Variants in PLCE1 observed in about 807,000 individuals in gnomAD.
The protein encoded by PLCE1 is phospholipase C epsilon 1.
A neutral mutation model predicts 242.8 loss-of-function variants in PLCE1; 119 were observed. The ratio of observed to expected loss-of-function variants is 0.49; its 90% CI spans 0.42 to 0.57. PLCE1 has a LOEUF of 0.57. Ranked by LOEUF, PLCE1 falls within the 20% of genes least tolerant of loss-of-function variation. PLCE1 has a pLI of 0.00. For synonymous variants in PLCE1, 945 were observed against 1,017.4 expected (o/e 0.93, Z 1.35); for missense variants, 2,441 against 2,788.8 (o/e 0.88, Z 2.81).
intron 2 of PLCE1, among the ~76,000 whole-genome samples, chr10:94,067,816 C>T (rs1309783287): frequency 6.6e-6 from 1 of 152,168 alleles, no homozygotes; most frequent in Non-Finnish European, 1.5e-5. Context: ...TAGTGCTGGC[C>T]TTTGGATGAG....
chr10:94,193,846 A>G (rs902116092), intron 4 of PLCE1, among the ~76,000 whole-genome samples: 2 of 152,244 alleles, frequency 1.3e-5, no homozygotes, highest in African/African-American at 2.4e-5. Context: ...CTCTACTGTC[A>G]TATAAACACC....
At chr10:94,305,157 G>A (rs1003698277) in intron 25 of PLCE1, among the ~76,000 whole-genome samples, 4 of 152,136 alleles carry the variant, frequency 2.6e-5, no homozygotes, top group Non-Finnish European at 4.4e-5. Context: ...GGCCAGGTGC[G>A]GTGGCTCACG....
At chr10:94,075,612 T>G (rs2044476918) in intron 2 of PLCE1, among the ~76,000 whole-genome samples, 1 of 152,232 alleles carries the variant, frequency 6.6e-6, no homozygotes, top group Non-Finnish European at 1.5e-5. Context: ...GAGCTGAGGC[T>G]ACCTTTGTTT....
At chr10:93,998,886 G>C (rs2060879496) in intron 1 of PLCE1, among the ~76,000 whole-genome samples, 1 of 152,222 alleles carries the variant, frequency 6.6e-6, no homozygotes, top group Non-Finnish European at 1.5e-5. Flanking sequence ...GGTGGGCTCA[G>C]TCTAATCTCG....
At chr10:94,237,723 G>T (rs1210305766) in intron 7 of PLCE1, among the ~76,000 whole-genome samples, 1 of 152,194 alleles carries the variant, frequency 6.6e-6, no homozygotes, top group African/African-American at 2.4e-5. Context: ...AAGTTAGGTT[G>T]GTGGGGCTGT....
intron 2 of PLCE1, among the ~76,000 whole-genome samples, chr10:94,074,694 C>A (rs1267768111): frequency 6.6e-6 from 1 of 152,158 alleles, no homozygotes; most frequent in African/African-American, 2.4e-5. Context: ...TACTATCTTG[C>A]CAGAACATAG....
At chr10:94,312,827 A>AC (rs1324949947) in intron 27 of PLCE1, among the ~76,000 whole-genome samples, 3 of 152,222 alleles carry the variant, frequency 2.0e-5, no homozygotes, top group Admixed American at 2.0e-4. Flanking sequence ...CCTCTTTCTA[A>AC]CAGATATATG....
intron 4 of PLCE1, among the ~76,000 whole-genome samples, chr10:94,220,848 CAG>C (rs2137074431): frequency 6.6e-6 from 1 of 152,288 alleles, no homozygotes; most frequent in East Asian, 1.9e-4. Context: ...TGGCTTGCCT[CAG>C]GGGCACGCAC....
chr10:94,233,639 T>A (rs373517938), intron 5 of PLCE1, among the ~76,000 whole-genome samples: 10 of 152,270 alleles, frequency 6.6e-5, no homozygotes, highest in African/African-American at 2.4e-4. Flanking sequence ...GAACCCTACA[T>A]AAATATTAAC....
intron 7 of PLCE1, among the ~76,000 whole-genome samples, chr10:94,243,935 A>G (rs761400744): frequency 1.3e-5 from 2 of 152,174 alleles, no homozygotes; most frequent in African/African-American, 4.8e-5. Context: ...TATTCCATGT[A>G]GTTAGCTATT....
At chr10:94,228,154 C>A (rs532698089) in intron 5 of PLCE1, among the ~76,000 whole-genome samples, 103 of 152,316 alleles carry the variant, frequency 6.8e-4, no homozygotes, top group African/African-American at 2.4e-3. Context: ...CTTTTTCCAT[C>A]AAGCTAATAA....
chr10:94,226,831 C>CTCTCTTTT (rs67656949), intron 4 of PLCE1, among the ~76,000 whole-genome samples: 1 of 101,818 alleles, frequency 9.8e-6, no homozygotes, highest in Non-Finnish European at 2.0e-5. Flanking sequence ...ACCTATAGGT[C>CTCTCTTTT]TTTTTTTTTT....
chr10:94,274,582 T>TC (rs1054110023), intron 19 of PLCE1, among the ~76,000 whole-genome samples: 35 of 152,184 alleles, frequency 2.3e-4, no homozygotes, highest in African/African-American at 8.2e-4. Context: ...GCAGGAAACA[T>TC]CAGTGTGAGG....
chr10:94,190,215 G>A (rs540727950), intron 4 of PLCE1, among the ~76,000 whole-genome samples: 4 of 152,194 alleles, frequency 2.6e-5, no homozygotes, highest in Non-Finnish European at 5.9e-5. Context: ...AGGAGGCAGA[G>A]GTTGCAGTGA....
intron 19 of PLCE1, among the ~76,000 whole-genome samples, chr10:94,274,546 C>T (rs2051874650): frequency 6.9e-6 from 1 of 144,764 alleles, no homozygotes; most frequent in Non-Finnish European, 1.5e-5. Context: ...CCAAAAGTTG[C>T]AAAATCAGCC....
chr10:94,045,886 G>T (rs2061873027), intron 2 of PLCE1, among the ~76,000 whole-genome samples: 1 of 152,034 alleles, frequency 6.6e-6, no homozygotes, highest in Non-Finnish European at 1.5e-5. Context: ...GGATCACAAG[G>T]TCAGGAGATC....
At chr10:94,196,821 A>G (rs1345696651) in intron 4 of PLCE1, among the ~76,000 whole-genome samples, 2 of 152,082 alleles carry the variant, frequency 1.3e-5, no homozygotes, top group African/African-American at 4.8e-5. Context: ...GATATTTGTA[A>G]CAGCTTTATT....
intron 22 of PLCE1, among the ~76,000 whole-genome samples, chr10:94,290,649 T>C (rs192017990): frequency 5.9e-5 from 9 of 151,268 alleles, no homozygotes; most frequent in Non-Finnish European, 1.3e-4. Flanking sequence ...AGGACCTGCC[T>C]GAGGCTGTTT....
At position 94,324,937 on chromosome 10, in the gene PLCE1, C is replaced by T; in HGVS notation, c.6766C>T (p.Leu2256Phe). 6.2e-7 allele frequency: 1 copy of T among 1,614,170 alleles called. No homozygotes were observed. Among genetic ancestry groups the T allele is most frequent in the South Asian group, 1.1e-5 (1 of 91,086 alleles). ...GAAAGGCATTTCTTTCGCAAGTGAA[C>T]TCAAGAAGCTCACCAAGTCAACTAA... The part of the protein sequence containing the change: ...KKKGISFASE[L>F]KKLTKSTKQP... The change falls in exon 32 of 33, where the codon CTC becomes TTC. Residue 2256 changes from leucine to phenylalanine, a missense_variant. Around this residue, in one of 5 missense-constraint regions of PLCE1, gnomAD observed 310 missense variants for 317.2 expected, o/e 0.98. Coordinates refer to ENST00000371380, the MANE Select transcript of PLCE1 (RefSeq NM_016341.4).
Sources: allele counts gnomAD v4.1 joint callset (sites outside exome capture counted in the v4.1 genomes callset), GRCh38; gene constraint gnomAD v4.1.1; regional missense constraint gnomAD v4.1.1; transcripts MANE v1.5; gene names NCBI Gene and HGNC (gene_info 2026-07-23, HGNC 2026-07-21).